The following PRKAG2 variants were observed in gnomAD, a reference collection of about 807,000 sequenced individuals.
PRKAG2 encodes 5'-AMP-activated protein kinase subunit gamma-2.
Under a neutral mutation model 69.6 loss-of-function variants are expected in PRKAG2, and 26 were observed. The observed-to-expected ratio is 0.37, with a 90% CI of 0.27 to 0.52. The LOEUF (loss-of-function observed/expected upper bound fraction) is 0.52, where lower values mean the gene tolerates loss of function less well. PRKAG2 is among the 20% of genes least tolerant of loss of function. The pLI is 0.90. For missense variants in PRKAG2, 557 were observed against 740.0 expected, an observed-to-expected ratio of 0.75 and a Z score of 2.87; for synonymous variants, 293 against 285.0, an observed-to-expected ratio of 1.03 and a Z score of -0.28.
intron 3 of PRKAG2, among the ~76,000 whole-genome samples, chr7:151,738,673 C>T (rs1048316778): frequency 6.6e-6 from 1 of 152,250 alleles, no homozygotes; most frequent in Non-Finnish European, 1.5e-5. Flanking sequence ...TCGGCCCATC[C>T]CTTTGTTTCC....
chr7:151,565,021 C>T lies in PRKAG2; in HGVS notation c.1437+325G>A, dbSNP rs564559008. Among the ~76,000 whole-genome samples, 27 of 152,060 alleles carry T rather than the reference C, an allele frequency of 1.8e-4. No homozygotes were observed. The South Asian group carries it at 4.4e-3, about 25-fold the overall frequency. On this transcript the variant is annotated intron_variant, in intron 13 of 15. Transcript: ENST00000287878. ...CATGAGTCCACGTGTGCACTGCGCACGCGTCTAGAGGCGAATAAATCAGGC... is the reference window on the plus strand; with the variant it reads ...CATGAGTCCACGTGTGCACTGCGCATGCGTCTAGAGGCGAATAAATCAGGC...
At chr7:151,668,792 T>C (rs560973616) in intron 4 of PRKAG2, among the ~76,000 whole-genome samples, 16 of 152,322 alleles carry the variant, frequency 1.1e-4, no homozygotes, top group African/African-American at 3.8e-4. Context: ...TCTCACCCTC[T>C]TACAGGTTCC....
At chr7:151,845,330 G>A (rs1253097988) in intron 1 of PRKAG2, among the ~76,000 whole-genome samples, 1 of 152,100 alleles carries the variant, frequency 6.6e-6, no homozygotes, top group East Asian at 1.9e-4. Flanking sequence ...AGAGGGCTCC[G>A]GCTCTCTTCA....
At chr7:151,795,880 T>C (rs890429094) in intron 1 of PRKAG2, among the ~76,000 whole-genome samples, 4 of 118,374 alleles carry the variant, frequency 3.4e-5, no homozygotes, top group African/African-American at 1.3e-4. Flanking sequence ...TATATATATA[T>C]ATATATATAT....
chr7:151,735,563 G>A (rs1458336195), intron 3 of PRKAG2, among the ~76,000 whole-genome samples: 1 of 150,842 alleles, frequency 6.6e-6, no homozygotes, highest in African/African-American at 2.4e-5. Context: ...ATTTTTAACA[G>A]CTGAAAACAA....
intron 4 of PRKAG2, among the ~76,000 whole-genome samples, chr7:151,633,442 T>C (rs554591441): frequency 4.6e-5 from 7 of 151,982 alleles, no homozygotes; most frequent in Admixed American, 4.6e-4. Context: ...AGAAAACGCA[T>C]ACAGATTGGA....
At chr7:151,784,267 C>T (rs1401316024) in intron 2 of PRKAG2, among the ~76,000 whole-genome samples, 1 of 152,182 alleles carries the variant, frequency 6.6e-6, no homozygotes, top group African/African-American at 2.4e-5. Flanking sequence ...GAGCCCGGAC[C>T]TGGTGCATGG....
At chr7:151,696,230 G>C (rs1194146307) in intron 3 of PRKAG2, among the ~76,000 whole-genome samples, 1 of 152,236 alleles carries the variant, frequency 6.6e-6, no homozygotes, top group Non-Finnish European at 1.5e-5. Flanking sequence ...GCAAGCTTCA[G>C]CCGCAGCTCA....
chr7:151,630,214 G>A (rs963435423), intron 5 of PRKAG2, among the ~76,000 whole-genome samples: 3 of 151,828 alleles, frequency 2.0e-5, no homozygotes, highest in Non-Finnish European at 4.4e-5. Context: ...TCATTACATT[G>A]GCAGACACAA....
chr7:151,843,842 C>T (rs2079366679), intron 1 of PRKAG2, among the ~76,000 whole-genome samples: 1 of 152,274 alleles, frequency 6.6e-6, no homozygotes, highest in Non-Finnish European at 1.5e-5. Context: ...TCTTCCTCTT[C>T]ACATCTCACA....
intron 4 of PRKAG2, among the ~76,000 whole-genome samples, chr7:151,670,894 G>A (rs868585237): frequency 9.8e-5 from 8 of 81,658 alleles, no homozygotes; most frequent in Middle Eastern, 5.1e-3. Flanking sequence ...GCTGTTGGCC[G>A]CGCGTGGTTG....
At chr7:151,695,549 G>C (rs6949482) in intron 3 of PRKAG2, among the ~76,000 whole-genome samples, 55,699 of 152,046 alleles carry the variant, frequency 0.37, 10,434 homozygotes, top group African/African-American at 0.43. Flanking sequence ...TGGGAGCACA[G>C]TGGTAGCAGA....
chr7:151,708,062 G>A (rs1462381216), intron 3 of PRKAG2, among the ~76,000 whole-genome samples: 3 of 152,226 alleles, frequency 2.0e-5, no homozygotes, highest in Non-Finnish European at 4.4e-5. Context: ...CCACAAGGGG[G>A]GCGCTGTCCC....
At chr7:151,740,639 T>C (rs549706967) in intron 3 of PRKAG2, among the ~76,000 whole-genome samples, 1 of 152,276 alleles carries the variant, frequency 6.6e-6, no homozygotes, top group South Asian at 2.1e-4. Flanking sequence ...ACTTTGCAAA[T>C]GAGCTGGAGA....
chr7:151,839,490 G>A (rs572913595), intron 1 of PRKAG2, among the ~76,000 whole-genome samples: 32 of 152,336 alleles, frequency 2.1e-4, no homozygotes, highest in African/African-American at 6.5e-4. Context: ...TGTACTCAGT[G>A]CCTGTTCGGA....
intron 4 of PRKAG2, among the ~76,000 whole-genome samples, chr7:151,662,522 T>C (rs1830477564): frequency 6.6e-6 from 1 of 152,200 alleles, no homozygotes; most frequent in Non-Finnish European, 1.5e-5. Context: ...TTGTCACCTC[T>C]CACTGGGCTA....
chr7:151,768,972 C>T (rs2075884313), intron 3 of PRKAG2, among the ~76,000 whole-genome samples: 1 of 152,238 alleles, frequency 6.6e-6, no homozygotes, highest in Non-Finnish European at 1.5e-5. Context: ...AGTTCTAATG[C>T]ACTGTGGCCT....
intron 3 of PRKAG2, among the ~76,000 whole-genome samples, chr7:151,739,453 T>TATTTA (rs1430178233): frequency 3.3e-5 from 5 of 151,492 alleles, no homozygotes; most frequent in African/African-American, 1.2e-4. Flanking sequence ...TTTATTTATT[T>TATTTA]ATTTATTTAT....
intron 3 of PRKAG2, among the ~76,000 whole-genome samples, chr7:151,768,617 C>T (rs1451602219): frequency 6.6e-6 from 1 of 152,204 alleles, no homozygotes; most frequent in Non-Finnish European, 1.5e-5. Flanking sequence ...CAGGCACATG[C>T]CATCATACCT....
Sources: gnomAD v4.1 joint callset for allele counts (sites outside exome capture counted in the v4.1 genomes callset) on GRCh38, gnomAD v4.1.1 for gene constraint, MANE v1.5 for transcripts, NCBI Gene and HGNC (gene_info 2026-07-23, HGNC 2026-07-21) for gene names.